Variants in SNX24 observed in about 807,000 individuals in gnomAD.
The protein encoded by SNX24 is sorting nexin-24.
In SNX24, 22 loss-of-function variants were observed where a neutral mutation model predicts 28.7. The ratio of observed to expected loss-of-function variants is 0.77; its 90% CI spans 0.55 to 1.10. SNX24 has a LOEUF of 1.10. Ranked by LOEUF, SNX24 falls within the 50% of genes least tolerant of loss-of-function variation. The pLI is 0.00. For synonymous variants in SNX24, 69 were observed against 71.5 expected, an observed-to-expected ratio of 0.96 and a Z score of 0.18; for missense variants, 221 against 201.1, an observed-to-expected ratio of 1.10 and a Z score of -0.60.
intron 5 of SNX24, among the ~76,000 whole-genome samples, chr5:123,026,341 G>A (rs1261128758): frequency 6.6e-6 from 1 of 152,136 alleles, no homozygotes; most frequent in Non-Finnish European, 1.5e-5. Context: ...CCTAGTGGCT[G>A]TGCACCTGTT....
At chr5:122,876,094 C>T (rs1482573009) in intron 1 of SNX24, among the ~76,000 whole-genome samples, 2 of 152,246 alleles carry the variant, frequency 1.3e-5, no homozygotes, top group African/African-American at 4.8e-5. Flanking sequence ...ATCCACCTGC[C>T]TTGGCCTCCC....
At chr5:122,900,403 G>T (rs1757385171) in intron 1 of SNX24, among the ~76,000 whole-genome samples, 1 of 152,124 alleles carries the variant, frequency 6.6e-6, no homozygotes. Flanking sequence ...AGAACATGCA[G>T]GTCTGTGCAT....
chr5:122,880,873 G>A (rs1162945203), intron 1 of SNX24, among the ~76,000 whole-genome samples: 2 of 152,146 alleles, frequency 1.3e-5, no homozygotes, highest in African/African-American at 2.4e-5. Flanking sequence ...AATCTCCCCT[G>A]GCCCACAGAC....
chr5:123,008,029 C>G lies in SNX24; in HGVS notation c.*280C>G. 1 of 1,115,246 alleles carries G rather than the reference C, an allele frequency of 9.0e-7. No individual in the cohort carries two copies. Among genetic ancestry groups the G allele is most frequent in the South Asian group, 2.8e-5 (1 of 35,190 alleles). The allele number at this position is 1,115,246 out of a possible 1,614,324, so 69.1% of individuals were successfully genotyped here. Reference sequence around the variant, plus strand: ...CATGAAAAGGAGGCCACAGGAGATTCCTGGGAGCACTGGGTGTAGCAAAAC... The same window carrying G: ...CATGAAAAGGAGGCCACAGGAGATTGCTGGGAGCACTGGGTGTAGCAAAAC... On this transcript the variant is annotated 3_prime_UTR_variant, in exon 7 of 7. Transcript: ENST00000261369.
intron 5 of SNX24, among the ~76,000 whole-genome samples, chr5:123,027,231 A>C (rs1338246826): frequency 6.6e-6 from 1 of 152,142 alleles, no homozygotes; most frequent in African/African-American, 2.4e-5. Context: ...TATCAAAGCC[A>C]AGCAATTTAT....
At chr5:122,850,464 A>AT (rs753886490) in intron 1 of SNX24, among the ~76,000 whole-genome samples, 69 of 152,208 alleles carry the variant, frequency 4.5e-4, no homozygotes, top group Non-Finnish European at 9.0e-4. Context: ...TGTAGCGATG[A>AT]TTCTGGAGTA....
intron 3 of SNX24, among the ~76,000 whole-genome samples, chr5:122,985,159 T>A (rs148161119): frequency 1.7e-3 from 253 of 152,348 alleles, no homozygotes; most frequent in Middle Eastern, 6.8e-3. Flanking sequence ...TCTCATGTCA[T>A]GACCGTGTTT....
chr5:122,973,969 C>T (rs1000394079), intron 3 of SNX24, among the ~76,000 whole-genome samples: 2 of 152,220 alleles, frequency 1.3e-5, no homozygotes, highest in African/African-American at 4.8e-5. Flanking sequence ...GGCAGAGCAG[C>T]TTGCACAACA....
At chr5:122,862,814 T>C (rs192918391) in intron 1 of SNX24, among the ~76,000 whole-genome samples, 1 of 152,136 alleles carries the variant, frequency 6.6e-6, no homozygotes, top group East Asian at 1.9e-4. Flanking sequence ...AAGCTCTATT[T>C]TGGAGGTCAA....
intron 1 of SNX24, among the ~76,000 whole-genome samples, chr5:122,862,379 G>T (rs1429259340): frequency 6.6e-6 from 1 of 152,120 alleles, no homozygotes. Context: ...ACTTTGGGAG[G>T]CCGAGGCAGG....
At chr5:122,977,331 A>T (rs1207679772) in intron 3 of SNX24, among the ~76,000 whole-genome samples, 1 of 95,632 alleles carries the variant, frequency 1.0e-5, no homozygotes, top group Non-Finnish European at 2.2e-5. Context: ...GCTCCAACCC[A>T]CCCCCACCCC....
chr5:122,999,577 T>C lies in SNX24; in HGVS notation c.250-335T>C, dbSNP rs1057046642. Among the ~76,000 whole-genome samples the C allele has an allele frequency of 3.9e-5, 6 of 152,158 alleles. No homozygotes were observed. In the South Asian group the frequency reaches 6.2e-4, roughly 16 times the overall value. On this transcript the variant is annotated intron_variant, in intron 3 of 6. Coordinates refer to ENST00000261369, the MANE Select transcript of SNX24 (RefSeq NM_014035.4). Reference sequence around the variant, plus strand: ...ATTGATGTTGCCAGGTTTTGAAATATTCACTCTGGATTAGAATCTCCATGA... The same window carrying C: ...ATTGATGTTGCCAGGTTTTGAAATACTCACTCTGGATTAGAATCTCCATGA...
At chr5:122,972,739 G>T (rs1257828894) in intron 3 of SNX24, among the ~76,000 whole-genome samples, 1 of 152,180 alleles carries the variant, frequency 6.6e-6, no homozygotes, top group Non-Finnish European at 1.5e-5. Flanking sequence ...TGGAGTAAGT[G>T]TCTGTTCTGG....
At chr5:122,910,341 T>G (rs1182916090) in intron 1 of SNX24, among the ~76,000 whole-genome samples, 1 of 152,190 alleles carries the variant, frequency 6.6e-6, no homozygotes, top group African/African-American at 2.4e-5. Flanking sequence ...TTTTTACTTT[T>G]GAAATTCTTT....
chr5:122,957,945 A>G (rs1297133499), intron 3 of SNX24, among the ~76,000 whole-genome samples: 1 of 152,144 alleles, frequency 6.6e-6, no homozygotes, highest in Non-Finnish European at 1.5e-5. Context: ...AGGATTTTCT[A>G]CATGTGAGAT....
At chr5:122,990,078 A>T (rs1581840049) in intron 3 of SNX24, among the ~76,000 whole-genome samples, 1 of 152,026 alleles carries the variant, frequency 6.6e-6, no homozygotes, top group Non-Finnish European at 1.5e-5. Context: ...TTCTTTATAG[A>T]TATGTTTTTT....
chr5:122,901,975 T>C (rs1029291513), intron 1 of SNX24, among the ~76,000 whole-genome samples: 5 of 152,230 alleles, frequency 3.3e-5, no homozygotes, highest in African/African-American at 9.6e-5. Flanking sequence ...TTTTGTCTTA[T>C]ATATCTTTGA....
At chr5:123,013,725 T>TAC (rs992744266), downstream of SNX24, among the ~76,000 whole-genome samples, 8 of 152,334 alleles carry the variant, frequency 5.3e-5, no homozygotes, top group African/African-American at 1.9e-4. Context: ...TAACAGTAGT[T>TAC]ACAGTGACAG....
chr5:122,992,308 G>A (rs779106521), intron 3 of SNX24, among the ~76,000 whole-genome samples: 3 of 152,088 alleles, frequency 2.0e-5, no homozygotes, highest in Non-Finnish European at 2.9e-5. Context: ...ATTGTGTCAT[G>A]TACAGTGAGA....
Sources: allele counts gnomAD v4.1 joint callset (sites outside exome capture counted in the v4.1 genomes callset), GRCh38; gene constraint gnomAD v4.1.1; transcripts MANE v1.5; gene names NCBI Gene and HGNC (gene_info 2026-07-23, HGNC 2026-07-21).